The following SLC19A3 variants were observed in gnomAD, a reference collection of about 807,000 sequenced individuals.
The protein encoded by SLC19A3 is solute carrier family 19 member 3.
SLC19A3 carries 31 observed loss-of-function variants against 40.2 expected under a neutral mutation model. The observed-to-expected ratio is 0.77, with a 90% CI of 0.58 to 1.04. The LOEUF (loss-of-function observed/expected upper bound fraction) is 1.04. Among genes scored for constraint, SLC19A3 ranks in the 50% least tolerant of loss-of-function variants. The pLI is 0.00. For missense variants in SLC19A3, 592 were observed against 596.7 expected (o/e 0.99, Z 0.08); for synonymous variants, 212 against 227.5 (o/e 0.93, Z 0.61).
intron 3 of SLC19A3, 129 bp downstream of exon 3, chr2:227,698,607 C>T: frequency 2.2e-6 from 2 of 899,926 alleles, no homozygotes; most frequent in Non-Finnish European, 3.7e-6. Context: ...CCGTGACTTT[C>T]ATTCTTGACT....
intron 1 of SLC19A3, among the ~76,000 whole-genome samples, chr2:227,707,421 C>T (rs1458801574): frequency 6.6e-6 from 1 of 151,882 alleles, no homozygotes; most frequent in Admixed American, 6.6e-5. Flanking sequence ...CCTGTCTCTA[C>T]AAAAATACAA....
At chr2:227,700,366 G>T (rs187494391) in intron 2 of SLC19A3, among the ~76,000 whole-genome samples, 126 of 146,946 alleles carry the variant, frequency 8.6e-4, no homozygotes, top group African/African-American at 3.2e-3. Flanking sequence ...ATGAAACCCC[G>T]TCTACAACTA....
chr2:227,687,412 C>A lies in SLC19A3; in HGVS notation c.1476G>T (p.Met492Ile), dbSNP rs764642918. 6 of 1,609,896 alleles carry A rather than the reference C, an allele frequency of 3.7e-6. 1 individual carries two copies. In the South Asian group the frequency reaches 6.6e-5, roughly 18 times the overall value. ...SHPEEESNII[M>I]STKL Reference sequence around the variant, plus strand: ...TGCGATGAGGTTAGAGTTTTGTTGACATGATGATATTACTCTCTTCCTCTG... The same window carrying A: ...TGCGATGAGGTTAGAGTTTTGTTGAAATGATGATATTACTCTCTTCCTCTG... Residue 492 changes from methionine to isoleucine, a missense_variant, in exon 6 of 6, where the codon ATG (methionine) becomes ATT (isoleucine). Physicochemically the swap from Met to Ile is conservative, Grantham distance 10. Transcript: ENST00000644224.
intron 4 of SLC19A3, among the ~76,000 whole-genome samples, chr2:227,690,579 C>T (rs903016487): frequency 5.3e-5 from 8 of 151,356 alleles, no homozygotes; most frequent in East Asian, 1.9e-4. Context: ...TGATGGCAGG[C>T]GCCTGTAGTC....
Position 227,684,462 on chromosome 2 carries a change from A to G in SLC19A3, c.*2935T>C, listed in dbSNP as rs2106314030. ...GTGGCTGGGATTACAGGCATGGACC[A>G]CACCCGGCTAATTTTGTTGTTTTTA... On this transcript the variant is annotated 3_prime_UTR_variant, in exon 6 of 6. Transcript: ENST00000644224. The G allele has an allele frequency of 6.6e-6, 1 of 152,224 alleles. No homozygotes were observed. Among genetic ancestry groups the G allele is most frequent in the Admixed American group, 6.5e-5 (1 of 15,282 alleles). The allele number at this position is 152,224 out of a possible 1,614,324, so 9.4% of individuals were successfully genotyped here. A position where few individuals can be genotyped will look rare whatever the true frequency, so the allele number is the denominator to read the frequency against.
chr2:227,711,427 T>A (rs199531832), intron 1 of SLC19A3, among the ~76,000 whole-genome samples: 2,215 of 111,736 alleles, frequency 0.02, 28 homozygotes, highest in East Asian at 0.099. Flanking sequence ...CTCAAAAAAA[T>A]AAAATAAAAT....
At chr2:227,713,804 AAC>A (rs1696232274) in intron 1 of SLC19A3, among the ~76,000 whole-genome samples, 1 of 151,420 alleles carries the variant, frequency 6.6e-6, no homozygotes. Context: ...TTGAAAAAAA[AAC>A]AACAAAACAA....
At chr2:227,710,037 T>C (rs1028399106) in intron 1 of SLC19A3, among the ~76,000 whole-genome samples, 1 of 152,144 alleles carries the variant, frequency 6.6e-6, no homozygotes, top group East Asian at 1.9e-4. Context: ...ATCCCTTGCA[T>C]GCACAGTTCA....
At position 227,687,051 on chromosome 2, in the gene SLC19A3, A is replaced by G. The variant is rs886169023; in HGVS notation, c.*346T>C. The G allele has an allele frequency of 9.9e-6, 2 of 202,708 alleles. No homozygotes were observed. Among genetic ancestry groups the G allele is most frequent in the South Asian group, 1.1e-4 (1 of 9,082 alleles). The allele number at this position is 202,708 out of a possible 1,614,324, so 12.6% of individuals were successfully genotyped here. A position where few individuals can be genotyped will look rare whatever the true frequency, so the allele number is the denominator to read the frequency against. On this transcript the variant is annotated 3_prime_UTR_variant, in exon 6 of 6. Coordinates refer to ENST00000644224, the MANE Select transcript of SLC19A3 (RefSeq NM_025243.4). ...TTAGTATTTCTCCTCACAAATGGTG[A>G]ATATCAACTCCAGGATGGCTGGAGT... is the stretch of plus-strand genomic sequence containing the variant.
chr2:227,686,061 G>A lies in SLC19A3; in HGVS notation c.*1336C>T. 2.6e-6 allele frequency: 1 copy of A among 389,098 alleles called. No homozygotes were observed. The highest frequency in any genetic ancestry group is 6.3e-4 in the Middle Eastern group (1 of 1,578). The allele number at this position is 389,098 out of a possible 1,614,324, so 24.1% of individuals were successfully genotyped here. The stretch of plus-strand genomic sequence containing the variant: ...AAAATACAAAAATTAGCCAGGCGTG[G>A]TGGTGTGCACCCATAGTCCCAGCTA... On this transcript the variant is annotated 3_prime_UTR_variant, in exon 6 of 6. Coordinates refer to ENST00000644224, the MANE Select transcript of SLC19A3 (RefSeq NM_025243.4).
chr2:227,688,010 C>T (rs546718594), intron 5 of SLC19A3, among the ~76,000 whole-genome samples, 156 bp downstream of exon 5: 3 of 152,136 alleles, frequency 2.0e-5, no homozygotes, highest in Non-Finnish European at 4.4e-5. Context: ...GCAATTATTG[C>T]TCAAAACCTA....
Position 227,685,467 on chromosome 2 carries a change from A to G in SLC19A3, c.*1930T>C, listed in dbSNP as rs1574537385. 1 of 152,260 alleles carries G rather than the reference A, an allele frequency of 6.6e-6. No individual in the cohort carries two copies. The highest frequency in any genetic ancestry group is 1.5e-5 in the Non-Finnish European group (1 of 68,104). 9.4% of individuals were successfully genotyped at this position (152,260 alleles called of 1,614,324 possible). A position where few individuals can be genotyped will look rare whatever the true frequency, so the allele number is the denominator to read the frequency against. ...GCCAAACCATTCATGAAGGCTTCAC[A>G]CCCATGATCCAGTCGCCTCCCAGCC... On this transcript the variant is annotated 3_prime_UTR_variant, in exon 6 of 6. Coordinates refer to ENST00000644224, the MANE Select transcript of SLC19A3 (RefSeq NM_025243.4).
chr2:227,708,808 A>T (rs1335658562), intron 1 of SLC19A3, among the ~76,000 whole-genome samples: 3 of 152,110 alleles, frequency 2.0e-5, no homozygotes, highest in African/African-American at 7.2e-5. Context: ...TTTAGTGGGA[A>T]ACAAAAAAAA....
intron 4 of SLC19A3, among the ~76,000 whole-genome samples, chr2:227,693,659 C>T (rs1298036099): frequency 6.6e-6 from 1 of 152,106 alleles, no homozygotes; most frequent in Non-Finnish European, 1.5e-5. Context: ...ATTGGGGAAA[C>T]TCTCTGGGAC....
rs1186797472 is a variant in SLC19A3, at chr2:227,717,997, C to A, written c.-57G>T. 10 of 985,050 alleles carry A rather than the reference C, an allele frequency of 1.0e-5. No individual in the cohort carries two copies. The highest frequency in any genetic ancestry group is 9.4e-5 in the South Asian group (2 of 21,280). 61.0% of individuals were successfully genotyped at this position (985,050 alleles called of 1,614,324 possible). ...CGCTCACTTGCCGCACGACCACGCA[C>A]CCGCGGCTGTCGGATGGATCCAGGC... On this transcript the variant is annotated 5_prime_UTR_variant, in exon 1 of 6. Transcript: ENST00000644224.
intron 4 of SLC19A3, among the ~76,000 whole-genome samples, chr2:227,689,718 C>T (rs766648467): frequency 1.3e-5 from 2 of 152,128 alleles, no homozygotes; most frequent in Admixed American, 6.5e-5. Context: ...AATATTATCA[C>T]ACTGTAACTG....
At chr2:227,698,578 C>T (rs1277176685) in intron 3 of SLC19A3, among the ~76,000 whole-genome samples, 158 bp downstream of exon 3, 2 of 152,196 alleles carry the variant, frequency 1.3e-5, no homozygotes, top group African/African-American at 4.8e-5. Context: ...GGATTACAGG[C>T]ATAAGCCACC....
chr2:227,698,592 C>T (rs962765688), intron 3 of SLC19A3, 144 bp downstream of exon 3: 14 of 789,604 alleles, frequency 1.8e-5, no homozygotes, highest in Non-Finnish European at 3.1e-5. Flanking sequence ...AGCCACCATG[C>T]CCGGCCGTGA....
chr2:227,706,438 T>C, intron 1 of SLC19A3: 5 of 1,230,442 alleles, frequency 4.1e-6, no homozygotes, highest in Middle Eastern at 3.1e-4. Flanking sequence ...TCTATCACTT[T>C]TTAAAAAGGT....
Sources: allele counts gnomAD v4.1 joint callset (sites outside exome capture counted in the v4.1 genomes callset), GRCh38; gene constraint gnomAD v4.1.1; transcripts MANE v1.5; gene names NCBI Gene and HGNC (gene_info 2026-07-23, HGNC 2026-07-21).